DACH2: variants seen among roughly 807,000 people sequenced by gnomAD.
DACH2 encodes dachshund homolog 2.
Under a neutral mutation model 35.8 loss-of-function variants are expected in DACH2, and 17 were observed. The ratio of observed to expected loss-of-function variants is 0.48; its 90% CI spans 0.33 to 0.71. The LOEUF (loss-of-function observed/expected upper bound fraction) is 0.71, where lower values mean the gene tolerates loss of function less well. DACH2 is among the 30% of genes least tolerant of loss of function. The pLI is 0.02. For synonymous variants in DACH2, 195 were observed against 177.3 expected, an observed-to-expected ratio of 1.10 and a Z score of -0.79; for missense variants, 469 against 472.7, an observed-to-expected ratio of 0.99 and a Z score of 0.07.
chrX:86,182,489 T>G (rs918850714), intron 1 of DACH2, among the ~76,000 whole-genome samples: 3 of 111,880 alleles, frequency 2.7e-5, no homozygotes, highest in Non-Finnish European at 5.6e-5. Flanking sequence ...AAAGATCAGA[T>G]GGCTGTAGAT....
intron 2 of DACH2, among the ~76,000 whole-genome samples, chrX:86,444,480 G>T (rs1207886384): frequency 9.0e-6 from 1 of 111,630 alleles, no homozygotes; most frequent in African/African-American, 3.3e-5. Flanking sequence ...TACTGATTCA[G>T]TCTCAAACTT....
chrX:86,641,474 G>A (rs765146431), intron 3 of DACH2, among the ~76,000 whole-genome samples: 6 of 111,964 alleles, frequency 5.4e-5, no homozygotes, highest in South Asian at 3.7e-4. Flanking sequence ...CAAAATCTAC[G>A]AATCATTGGC....
chrX:86,791,477 A>G (rs2042186604), intron 7 of DACH2, among the ~76,000 whole-genome samples: 1 of 111,605 alleles, frequency 9.0e-6, no homozygotes, highest in Non-Finnish European at 1.9e-5. Flanking sequence ...CATATTTACA[A>G]TATTGAACAA....
At chrX:86,418,245 G>C (rs368104983) in intron 2 of DACH2, among the ~76,000 whole-genome samples, 1 of 111,392 alleles carries the variant, frequency 9.0e-6, no homozygotes, top group Admixed American at 9.5e-5. Flanking sequence ...TACCATTCTG[G>C]GGTCTGGAGG....
chrX:86,629,257 A>G (rs1214614535), intron 3 of DACH2, among the ~76,000 whole-genome samples: 3 of 111,077 alleles, frequency 2.7e-5, no homozygotes, highest in East Asian at 2.9e-4. Flanking sequence ...CCTCTAGTCC[A>G]TATCTAATGC....
At chrX:86,198,418 A>G (rs2032052840) in intron 1 of DACH2, among the ~76,000 whole-genome samples, 1 of 111,851 alleles carries the variant, frequency 8.9e-6, no homozygotes, top group Non-Finnish European at 1.9e-5. Flanking sequence ...GTAATAACCC[A>G]AATCAGAGCT....
At position 86,264,977 on chromosome X, in the gene DACH2, C is replaced by T. The variant is rs371805585; in HGVS notation, c.489-111847C>T. 1.5e-4 allele frequency among the ~76,000 whole-genome samples: 17 copies of T among 111,172 alleles called. No individual in the cohort carries two copies. The East Asian group carries it at 2.0e-3, about 13-fold the overall frequency. On this transcript the variant is annotated intron_variant, in intron 1 of 11. Transcript: ENST00000373125. ...ACCTAGGGGTAGGAGAACCAGAGGA[C>T]TGTAATTAACATCTCCAGTCCTAAA...
At chrX:86,515,138 G>C (rs1243376821) in intron 3 of DACH2, among the ~76,000 whole-genome samples, 1 of 111,098 alleles carries the variant, frequency 9.0e-6, no homozygotes, top group Non-Finnish European at 1.9e-5. Context: ...TAAAGCATCT[G>C]TTGTGTTCTG....
At chrX:86,390,300 T>A (rs2036181340) in intron 2 of DACH2, among the ~76,000 whole-genome samples, 1 of 112,072 alleles carries the variant, frequency 8.9e-6, no homozygotes, top group Non-Finnish European at 1.9e-5. Context: ...GTAATGCCTC[T>A]CAAATTTGAG....
intron 1 of DACH2, among the ~76,000 whole-genome samples, chrX:86,217,947 G>T (rs946154954): frequency 9.0e-6 from 1 of 111,495 alleles, no homozygotes; most frequent in Admixed American, 9.5e-5. Context: ...TTATAAAAGG[G>T]CTTCAAGTGG....
At chrX:86,791,415 G>A (rs1031446625) in intron 7 of DACH2, among the ~76,000 whole-genome samples, 3 of 111,693 alleles carry the variant, frequency 2.7e-5, no homozygotes, top group African/African-American at 9.8e-5. Context: ...TTGATAAGCA[G>A]TGAATCAATA....
At chrX:86,779,042 A>T (rs1398137230) in intron 7 of DACH2, among the ~76,000 whole-genome samples, 1 of 112,181 alleles carries the variant, frequency 8.9e-6, no homozygotes, top group Non-Finnish European at 1.9e-5. Flanking sequence ...AGACTATATT[A>T]GTTGGAGGAA....
At chrX:86,245,938 G>A (rs1331791896) in intron 1 of DACH2, among the ~76,000 whole-genome samples, 3 of 111,530 alleles carry the variant, frequency 2.7e-5, no homozygotes, top group African/African-American at 9.8e-5. Context: ...CTAATAAAAT[G>A]TTACAAGAGC....
chrX:86,460,770 G>A (rs1347893987), intron 2 of DACH2, among the ~76,000 whole-genome samples: 3 of 110,696 alleles, frequency 2.7e-5, no homozygotes, highest in African/African-American at 6.5e-5. Flanking sequence ...AAACTTACAA[G>A]TGGGACTAGA....
intron 7 of DACH2, among the ~76,000 whole-genome samples, chrX:86,749,025 C>T (rs1201226279): frequency 8.9e-6 from 1 of 111,990 alleles, no homozygotes; most frequent in Non-Finnish European, 1.9e-5. Flanking sequence ...TAGATACCAA[C>T]TTTTCTTCTG....
At chrX:86,400,012 G>A (rs750801593) in intron 2 of DACH2, among the ~76,000 whole-genome samples, 117 of 111,680 alleles carry the variant, frequency 1.0e-3, no homozygotes, top group African/African-American at 3.6e-3. Context: ...TCACTTTCAG[G>A]TACACCAATC....
At chrX:86,729,988 C>T (rs747718620) in intron 6 of DACH2, among the ~76,000 whole-genome samples, 2 of 110,364 alleles carry the variant, frequency 1.8e-5, no homozygotes, top group Non-Finnish European at 3.8e-5. Flanking sequence ...ATAACACATC[C>T]CTTTTGCCAT....
chrX:86,430,507 T>C (rs959564014), intron 2 of DACH2, among the ~76,000 whole-genome samples: 2 of 112,633 alleles, frequency 1.8e-5, no homozygotes, highest in Non-Finnish European at 3.8e-5. Context: ...ACATGGTATG[T>C]CTTTCTACGT....
intron 3 of DACH2, among the ~76,000 whole-genome samples, chrX:86,530,361 T>C (rs1024793862): frequency 4.5e-5 from 5 of 111,896 alleles, no homozygotes; most frequent in Non-Finnish European, 9.4e-5. Flanking sequence ...CAAACTGTAA[T>C]CTTCATGTGT....
Sources: allele counts gnomAD v4.1 joint callset (sites outside exome capture counted in the v4.1 genomes callset), GRCh38; gene constraint gnomAD v4.1.1; transcripts MANE v1.5; gene names NCBI Gene and HGNC (gene_info 2026-07-23, HGNC 2026-07-21).